DOCK4: variants seen among roughly 807,000 people sequenced by gnomAD.
DOCK4 encodes the protein dedicator of cytokinesis 4.
In DOCK4, 97 loss-of-function variants were observed where a neutral mutation model predicts 268.1. The ratio of observed to expected loss-of-function variants is 0.36; its 90% CI spans 0.31 to 0.43. DOCK4 has a LOEUF of 0.43. Among genes scored for constraint, DOCK4 ranks in the 20% least tolerant of loss-of-function variants. DOCK4 has a pLI of 1.00. For synonymous variants in DOCK4, 954 were observed against 887.2 expected (o/e 1.08, Z -1.34); for missense variants, 2,145 against 2,455.7 (o/e 0.87, Z 2.67).
intron 12 of DOCK4, among the ~76,000 whole-genome samples, chr7:111,933,197 T>C (rs1241406560): frequency 1.6e-5 from 2 of 127,968 alleles, no homozygotes; most frequent in East Asian, 2.0e-4. Context: ...TATATACACA[T>C]ATATACGTAT....
chr7:112,150,870 C>T (rs1179847992), intron 1 of DOCK4, among the ~76,000 whole-genome samples: 1 of 152,162 alleles, frequency 6.6e-6, no homozygotes, highest in Non-Finnish European at 1.5e-5. Context: ...GCAACATAAT[C>T]CCCATAGCTT....
At chr7:111,821,083 T>A (rs975724276) in intron 27 of DOCK4, 1 of 152,234 alleles carries the variant, frequency 6.6e-6, no homozygotes, top group African/African-American at 2.4e-5. Context: ...ATGTAAAATA[T>A]AATATGCTAT....
At position 111,726,279 on chromosome 7, in the gene DOCK4, A is replaced by T. The variant is rs1200280819; in HGVS notation, c.*1995T>A. 6.6e-6 allele frequency: 1 copy of T among 152,632 alleles called. No individual in the cohort carries two copies. Among genetic ancestry groups the T allele is most frequent in the Non-Finnish European group, 1.5e-5 (1 of 68,022 alleles). 9.5% of individuals were successfully genotyped at this position (152,632 alleles called of 1,614,324 possible). A position where few individuals can be genotyped will look rare whatever the true frequency, so the allele number is the denominator to read the frequency against. On this transcript the variant is annotated 3_prime_UTR_variant, in exon 53 of 53. Coordinates refer to ENST00000428084, the MANE Select transcript of DOCK4 (RefSeq NM_001363540.2). ...ACTGCTCACTGCCAAAATTTTTTTT[A>T]AAAAATGGCTCCAAGAGCAAATAAC...
intron 8 of DOCK4, among the ~76,000 whole-genome samples, chr7:111,951,284 A>G (rs530725372): frequency 3.9e-5 from 6 of 152,214 alleles, no homozygotes; most frequent in South Asian, 2.1e-4. Flanking sequence ...TATGCCTTAC[A>G]TAGCTCTTCT....
At chr7:111,838,206 C>A (rs1160253528) in intron 25 of DOCK4, among the ~76,000 whole-genome samples, 2 of 148,788 alleles carry the variant, frequency 1.3e-5, no homozygotes, top group African/African-American at 2.5e-5. Flanking sequence ...AAAGGCTGAT[C>A]TAACTTTAAA....
At chr7:111,840,381 C>T (rs956576656) in intron 25 of DOCK4, among the ~76,000 whole-genome samples, 5 of 152,148 alleles carry the variant, frequency 3.3e-5, no homozygotes, top group East Asian at 1.9e-4. Flanking sequence ...AACAGAGTTA[C>T]GAACGAGTAA....
intron 20 of DOCK4, among the ~76,000 whole-genome samples, chr7:111,870,323 C>CTTTTTTTTTTTTTTTTTT (rs796444724): frequency 2.3e-5 from 3 of 131,336 alleles, no homozygotes; most frequent in Non-Finnish European, 3.3e-5. Flanking sequence ...TTTTTCTTTT[C>CTTTTTTTTTTTTTTTTTT]TTTTTTTTTT....
chr7:112,077,546 C>T (rs933643589), intron 1 of DOCK4, among the ~76,000 whole-genome samples: 1 of 152,084 alleles, frequency 6.6e-6, no homozygotes, highest in Non-Finnish European at 1.5e-5. Context: ...TAGAAAAAGT[C>T]ACTAATACAT....
intron 12 of DOCK4, among the ~76,000 whole-genome samples, chr7:111,918,227 C>T (rs1436360889): frequency 2.0e-5 from 3 of 152,188 alleles, no homozygotes; most frequent in South Asian, 2.1e-4. Flanking sequence ...TGTCCTCACA[C>T]TTTCCGGTTT....
chr7:111,887,981 T>C (rs975793397), intron 16 of DOCK4, among the ~76,000 whole-genome samples: 4 of 151,900 alleles, frequency 2.6e-5, no homozygotes, highest in Admixed American at 6.6e-5. Context: ...AGGATGCAGA[T>C]AAGTTTGCAG....
At chr7:112,128,855 A>G (rs945790794) in intron 1 of DOCK4, among the ~76,000 whole-genome samples, 1 of 151,928 alleles carries the variant, frequency 6.6e-6, no homozygotes, top group African/African-American at 2.4e-5. Context: ...TCCCTCCACT[A>G]TTGTCCTATG....
intron 1 of DOCK4, among the ~76,000 whole-genome samples, chr7:112,057,477 AG>A (rs1431946288): frequency 6.6e-6 from 1 of 151,878 alleles, no homozygotes; most frequent in African/African-American, 2.4e-5. Flanking sequence ...CCTGAGCACA[AG>A]GGTTCAAGGC....
intron 11 of DOCK4, 65 bp downstream of exon 11, chr7:111,940,045 G>C: frequency 1.3e-6 from 2 of 1,546,316 alleles, no homozygotes; most frequent in South Asian, 2.3e-5. Flanking sequence ...AGTAGCATTC[G>C]CCCAAGTAGG....
intron 1 of DOCK4, among the ~76,000 whole-genome samples, chr7:112,168,300 T>G (rs763299340): frequency 1.3e-5 from 2 of 152,238 alleles, no homozygotes; most frequent in Non-Finnish European, 2.9e-5. Flanking sequence ...CTTAGATCCA[T>G]CATACCTATT....
At chr7:112,002,645 A>C (rs1800520149) in intron 2 of DOCK4, among the ~76,000 whole-genome samples, 1 of 151,140 alleles carries the variant, frequency 6.6e-6, no homozygotes, top group Admixed American at 6.6e-5. Flanking sequence ...TGATATGATA[A>C]AAATATCATC....
chr7:111,759,225 A>G (rs1174010754), intron 40 of DOCK4, among the ~76,000 whole-genome samples: 1 of 152,206 alleles, frequency 6.6e-6, no homozygotes, highest in Non-Finnish European at 1.5e-5. Context: ...GTAAATACCT[A>G]TGCAACCATG....
At chr7:111,955,096 G>A (rs897369707) in intron 8 of DOCK4, among the ~76,000 whole-genome samples, 3 of 152,096 alleles carry the variant, frequency 2.0e-5, no homozygotes, top group Non-Finnish European at 4.4e-5. Context: ...ATGTACGCCT[G>A]GTATCTTAGG....
rs1563052065 is a variant in DOCK4, at chr7:112,066,688, TAC to T, written c.38-62559_38-62558del. On this transcript the variant is annotated intron_variant, in intron 1 of 52. Coordinates refer to ENST00000428084, the MANE Select transcript of DOCK4 (RefSeq NM_001363540.2). ...ACATATACATATACATATATACATATACATATATATATATATATATATATATA... is the reference window on the plus strand; with the variant it reads ...ACATATACATATACATATATACATATATATATATATATATATATATATATA... 8.2e-3 allele frequency among the ~76,000 whole-genome samples: 118 copies of T among 14,474 alleles called. 13 individuals are homozygous for T. Among genetic ancestry groups the T allele is most frequent in the African/African-American group, 0.037 (108 of 2,950 alleles). 9.5% of individuals were successfully genotyped at this position (14,474 alleles called of 152,430 possible).
At chr7:111,734,540 C>A (rs946885856) in intron 51 of DOCK4, among the ~76,000 whole-genome samples, 1 of 152,098 alleles carries the variant, frequency 6.6e-6, no homozygotes, top group African/African-American at 2.4e-5. Context: ...CTGAATCAAC[C>A]CTTTGCGAAA....
Sources: gnomAD v4.1 joint callset for allele counts (sites outside exome capture counted in the v4.1 genomes callset) on GRCh38, gnomAD v4.1.1 for gene constraint, MANE v1.5 for transcripts, NCBI Gene and HGNC (gene_info 2026-07-23, HGNC 2026-07-21) for gene names.